The following ARK2C variants were observed in gnomAD, a reference collection of about 807,000 sequenced individuals.
The protein encoded by ARK2C is arkadia (RNF111) C-terminal like ring finger ubiquitin ligase 2C, also known as E3 ubiquitin-protein ligase ARK2C.
At chr18:46,355,296 C>T in the ARK2C span, among the ~76,000 whole-genome samples, 1 of 152,064 alleles carries the variant, frequency 6.6e-6, no homozygotes, top group Non-Finnish European at 1.5e-5. Context: ...CACCCAAGAA[C>T]TGAGGATGAA....
chr18:46,349,518 T>A, the ARK2C span, among the ~76,000 whole-genome samples: 5 of 152,174 alleles, frequency 3.3e-5, no homozygotes, highest in Admixed American at 6.5e-5. Context: ...AACATTCAAG[T>A]CATAGCACCT....
the ARK2C span, among the ~76,000 whole-genome samples, chr18:46,347,483 G>A: frequency 2.0e-5 from 3 of 152,178 alleles, no homozygotes; most frequent in South Asian, 2.1e-4. Context: ...GTCGCTGCTC[G>A]AGGGAGCTGG....
chr18:46,411,993 G>A, the ARK2C span, among the ~76,000 whole-genome samples: 2 of 152,216 alleles, frequency 1.3e-5, no homozygotes, highest in Non-Finnish European at 2.9e-5. Flanking sequence ...TGTCAGCAGA[G>A]TAATTGGATC....
At chr18:46,337,547 C>T in the ARK2C span, 1 of 985,160 alleles carries the variant, frequency 1.0e-6, no homozygotes, top group Admixed American at 6.2e-5. Flanking sequence ...GCATGGTGGG[C>T]CCAGCCTTTT....
At chr18:46,342,894 T>C in the ARK2C span, among the ~76,000 whole-genome samples, 1 of 152,172 alleles carries the variant, frequency 6.6e-6, no homozygotes, top group Non-Finnish European at 1.5e-5. Flanking sequence ...TATTTGTTGT[T>C]TTTTGGGGGG....
the ARK2C span, among the ~76,000 whole-genome samples, chr18:46,449,798 C>T: frequency 6.6e-6 from 1 of 152,134 alleles, no homozygotes; most frequent in African/African-American, 2.4e-5. Context: ...TCAATTAAAC[C>T]TCCTTTTTTT....
chr18:46,453,575 C>A, the ARK2C span, among the ~76,000 whole-genome samples: 1 of 151,632 alleles, frequency 6.6e-6, no homozygotes, highest in African/African-American at 2.4e-5. Context: ...TAAGAAATGA[C>A]AAAAGTTAGG....
At chr18:46,359,550 C>T in the ARK2C span, among the ~76,000 whole-genome samples, 1 of 152,152 alleles carries the variant, frequency 6.6e-6, no homozygotes, top group East Asian at 1.9e-4. Flanking sequence ...AGATAGAGAG[C>T]CAAGAGAATG....
the ARK2C span, among the ~76,000 whole-genome samples, chr18:46,388,465 T>A: frequency 2.0e-5 from 3 of 152,144 alleles, no homozygotes; most frequent in Non-Finnish European, 4.4e-5. Flanking sequence ...CTGAAACACA[T>A]GTTGGGACCT....
chr18:46,357,054 A>G, the ARK2C span, among the ~76,000 whole-genome samples: 2 of 152,232 alleles, frequency 1.3e-5, no homozygotes, highest in African/African-American at 4.8e-5. Flanking sequence ...GCCCTACACC[A>G]GATCTACCTT....
chr18:46,438,039 T>A, the ARK2C span, among the ~76,000 whole-genome samples: 1 of 152,142 alleles, frequency 6.6e-6, no homozygotes, highest in Non-Finnish European at 1.5e-5. Flanking sequence ...GAACTTAGGG[T>A]CTGTACAGCA....
chr18:46,379,724 C>T, the ARK2C span, among the ~76,000 whole-genome samples: 2 of 152,222 alleles, frequency 1.3e-5, no homozygotes, highest in East Asian at 3.9e-4. Context: ...AGCTAATGTA[C>T]TTTCTGAATC....
the ARK2C span, among the ~76,000 whole-genome samples, chr18:46,381,001 G>A: frequency 2.0e-5 from 3 of 152,204 alleles, no homozygotes; most frequent in Non-Finnish European, 4.4e-5. Context: ...CTCCAGAGTA[G>A]GAACGCATGC....
At chr18:46,339,299 C>T in the ARK2C span, among the ~76,000 whole-genome samples, 1 of 152,198 alleles carries the variant, frequency 6.6e-6, no homozygotes, top group Non-Finnish European at 1.5e-5. Context: ...CAATCTTAAC[C>T]AATTCCAGGA....
At chr18:46,411,303 A>G in the ARK2C span, among the ~76,000 whole-genome samples, 9 of 152,284 alleles carry the variant, frequency 5.9e-5, no homozygotes, top group East Asian at 1.7e-3. Flanking sequence ...AAAGATAATT[A>G]TGGTGGCATT....
At chr18:46,373,193 A>G in the ARK2C span, among the ~76,000 whole-genome samples, 3 of 152,340 alleles carry the variant, frequency 2.0e-5, no homozygotes, top group East Asian at 1.9e-4. Context: ...CCAGGGTGTC[A>G]TCTCCTTCAT....
chr18:46,458,333 G>A, the ARK2C span: 1 of 152,692 alleles, frequency 6.5e-6, no homozygotes, highest in African/African-American at 2.4e-5. Flanking sequence ...TTCTCCCTAT[G>A]TGGAAGACAC....
chr18:46,459,077 T>G, the ARK2C span: 4 of 152,284 alleles, frequency 2.6e-5, no homozygotes, highest in Non-Finnish European at 5.9e-5. Flanking sequence ...GAAGATGGCT[T>G]TGGCCTGGAG....
At chr18:46,447,611 G>C in the ARK2C span, 1 of 1,614,038 alleles carries the variant, frequency 6.2e-7, no homozygotes, top group South Asian at 1.1e-5. Context: ...TCCAGGTGCG[G>C]CCCATCCCTC....
Sources: allele counts gnomAD v4.1 joint callset (sites outside exome capture counted in the v4.1 genomes callset), GRCh38; gene constraint gnomAD v4.1.1; transcripts MANE v1.5; gene names NCBI Gene and HGNC (gene_info 2026-07-23, HGNC 2026-07-21).